The following FAM168B variants were observed in gnomAD, a reference collection of about 807,000 sequenced individuals.
FAM168B encodes family with sequence similarity 168 member B.
FAM168B carries 19 observed loss-of-function variants against 21.8 expected under a neutral mutation model. The observed-to-expected ratio is 0.87, with a 90% CI of 0.61 to 1.28. The LOEUF (loss-of-function observed/expected upper bound fraction) is 1.28. Ranked by LOEUF, FAM168B falls within the 50% of genes most tolerant of loss-of-function variation. The probability of loss-of-function intolerance (pLI) is 0.00; values close to 1 mark genes in which losing one functional copy is unlikely to be tolerated. For missense variants in FAM168B, 233 were observed against 263.1 expected, an observed-to-expected ratio of 0.89 and a Z score of 0.79; for synonymous variants, 126 against 104.8, an observed-to-expected ratio of 1.20 and a Z score of -1.24.
At chr2:131,087,843 C>T (rs553279256) in intron 1 of FAM168B, among the ~76,000 whole-genome samples, 1 of 152,320 alleles carries the variant, frequency 6.6e-6, no homozygotes, top group South Asian at 2.1e-4. Context: ...ACATTTGTAA[C>T]AGCATTATTC....
chr2:131,049,539 T>G lies in FAM168B; in HGVS notation c.*2926A>C. The G allele has an allele frequency of 1.0e-6, 1 of 985,418 alleles. No homozygotes were observed. The highest frequency in any genetic ancestry group is 1.2e-6 in the Non-Finnish European group (1 of 829,948). 61.0% of individuals were successfully genotyped at this position (985,418 alleles called of 1,614,324 possible). ...AAGTTCATGGGTCACTGGCTCACACTAAATGCTCAGCCGCCAGCACAGATC... is the reference window on the plus strand; with the variant it reads ...AAGTTCATGGGTCACTGGCTCACACGAAATGCTCAGCCGCCAGCACAGATC... On this transcript the variant is annotated 3_prime_UTR_variant, in exon 7 of 7. Transcript: ENST00000389915.
Position 131,050,800 on chromosome 2 carries a change from T to C in FAM168B, c.*1665A>G, listed in dbSNP as rs535672870. 28 of 985,260 alleles carry C rather than the reference T, an allele frequency of 2.8e-5. No homozygotes were observed. The highest frequency in any genetic ancestry group is 6.2e-5 in the Admixed American group (1 of 16,256). The allele number at this position is 985,260 out of a possible 1,614,324, so 61.0% of individuals were successfully genotyped here. A position where few individuals can be genotyped will look rare whatever the true frequency, so the allele number is the denominator to read the frequency against. On this transcript the variant is annotated 3_prime_UTR_variant, in exon 7 of 7. Transcript: ENST00000389915. Reference sequence around the variant, plus strand: ...GTGCCCTGACCCAGCTACCAGCAAATGAAGAGGAGCAGAGCCCCCTCCCCA... The same window carrying C: ...GTGCCCTGACCCAGCTACCAGCAAACGAAGAGGAGCAGAGCCCCCTCCCCA...
intron 2 of FAM168B, 100 bp from the exon 3 acceptor site, chr2:131,072,038 CCA>C (rs1692899301): frequency 5.8e-6 from 6 of 1,040,074 alleles, no homozygotes; most frequent in East Asian, 4.9e-5. Flanking sequence ...CCCCAGAACT[CCA>C]CAGACTTAAG....
At chr2:131,053,121 G>A (rs540168897) in intron 5 of FAM168B, 106 bp from the exon 6 acceptor site, 16 of 1,404,120 alleles carry the variant, frequency 1.1e-5, no homozygotes, top group South Asian at 1.5e-5. Flanking sequence ...GGGTATACAG[G>A]AAGAGGGATA....
chr2:131,088,919 T>C (rs1693854565), intron 1 of FAM168B, among the ~76,000 whole-genome samples: 1 of 151,576 alleles, frequency 6.6e-6, no homozygotes, highest in Admixed American at 6.6e-5. Context: ...TCTAATTTGC[T>C]GTGGACTAAG....
rs1359492821 is a variant in FAM168B at position 131,049,664 on chromosome 2, A to G, written c.*2801T>C. ...AACAAATATTTTTTAAATAGCCATC[A>G]TGATGTCCATGTTTACATGAACTAG... On this transcript the variant is annotated 3_prime_UTR_variant, in exon 7 of 7. Coordinates refer to ENST00000389915, the MANE Select transcript of FAM168B (RefSeq NM_001009993.4). 9 of 985,590 alleles carry G rather than the reference A, an allele frequency of 9.1e-6. No individual in the cohort carries two copies. Among genetic ancestry groups the G allele is most frequent in the Non-Finnish European group, 9.6e-6 (8 of 829,942 alleles). 61.1% of individuals were successfully genotyped at this position (985,590 alleles called of 1,614,324 possible).
At chr2:131,068,638 GA>G (rs1692694928) in intron 3 of FAM168B, among the ~76,000 whole-genome samples, 1 of 152,094 alleles carries the variant, frequency 6.6e-6, no homozygotes, top group Admixed American at 6.6e-5. Context: ...CCAGCTTCTG[GA>G]TTACAGGAAC....
intron 3 of FAM168B, among the ~76,000 whole-genome samples, chr2:131,064,188 A>G (rs1372246894): frequency 6.6e-6 from 1 of 152,216 alleles, no homozygotes. Flanking sequence ...CACTGATTTT[A>G]GAATGCCAAC....
chr2:131,053,670 A>T (rs527486715), intron 5 of FAM168B, among the ~76,000 whole-genome samples: 25 of 152,182 alleles, frequency 1.6e-4, no homozygotes, highest in African/African-American at 5.8e-4. Flanking sequence ...TAAGTTCAGG[A>T]GCTTGAGATG....
chr2:131,076,280 AG>A (rs902763630), intron 2 of FAM168B, among the ~76,000 whole-genome samples: 1 of 152,128 alleles, frequency 6.6e-6, no homozygotes, highest in Non-Finnish European at 1.5e-5. Context: ...CATCTATTCT[AG>A]CCCTCTTCTG....
chr2:131,092,506 C>G (rs1694084370), intron 1 of FAM168B, among the ~76,000 whole-genome samples: 1 of 152,186 alleles, frequency 6.6e-6, no homozygotes, highest in African/African-American at 2.4e-5. Flanking sequence ...GGAGTGGAAA[C>G]TATATAAACC....
Position 131,051,203 on chromosome 2 carries a change from C to T in FAM168B, c.*1262G>A. 1.0e-6 allele frequency: 1 copy of T among 985,328 alleles called. No homozygotes were observed. Among genetic ancestry groups the T allele is most frequent in the African/African-American group, 1.7e-5 (1 of 57,306 alleles). The allele number at this position is 985,328 out of a possible 1,614,324, so 61.0% of individuals were successfully genotyped here. A position where few individuals can be genotyped will look rare whatever the true frequency, so the allele number is the denominator to read the frequency against. On this transcript the variant is annotated 3_prime_UTR_variant, in exon 7 of 7. Coordinates refer to ENST00000389915, the MANE Select transcript of FAM168B (RefSeq NM_001009993.4). The stretch of plus-strand genomic sequence containing the variant: ...AACAGACACTGGCCTCCCCCTCGCC[C>T]CATCTCTAAGCGTCCCCTCCAGCCG...
chr2:131,086,676 T>C (rs1036519447), intron 1 of FAM168B, among the ~76,000 whole-genome samples: 2 of 152,204 alleles, frequency 1.3e-5, no homozygotes, highest in Admixed American at 6.5e-5. Context: ...AACAGTCCTA[T>C]GTAGGTGACA....
intron 2 of FAM168B, among the ~76,000 whole-genome samples, chr2:131,073,679 C>A (rs1343268600): frequency 3.9e-5 from 6 of 152,174 alleles, no homozygotes; most frequent in Admixed American, 6.5e-5. Flanking sequence ...CCCTAACCTC[C>A]AGAACCAAGA....
Position 131,051,180 on chromosome 2 carries a change from CAG to C in FAM168B, c.*1283_*1284del. On this transcript the variant is annotated 3_prime_UTR_variant, in exon 7 of 7. Coordinates refer to ENST00000389915, the MANE Select transcript of FAM168B (RefSeq NM_001009993.4). ...GATGGCAGGAGAGGCTCGCAGACAA[CAG>C]ACACTGGCCTCCCCCTCGCCCCATC... 2 of 985,364 alleles carry C rather than the reference CAG, an allele frequency of 2.0e-6. No homozygotes were observed. The highest frequency in any genetic ancestry group is 2.4e-6 in the Non-Finnish European group (2 of 829,944). The allele number at this position is 985,364 out of a possible 1,614,324, so 61.0% of individuals were successfully genotyped here. A position where few individuals can be genotyped will look rare whatever the true frequency, so the allele number is the denominator to read the frequency against.
chr2:131,048,409 G>C lies in FAM168B; in HGVS notation c.*4056C>G, dbSNP rs190501461. 8 of 1,266,278 alleles carry C rather than the reference G, an allele frequency of 6.3e-6. No individual in the cohort carries two copies. The highest frequency in any genetic ancestry group is 1.2e-4 in the East Asian group (2 of 17,140). The allele number at this position is 1,266,278 out of a possible 1,614,324, so 78.4% of individuals were successfully genotyped here. The stretch of plus-strand genomic sequence containing the variant: ...GCACACCACCCTTCTGCAGGCCCGG[G>C]GGGGGGTCCCTACACAGACGCCGCT... On this transcript the variant is annotated 3_prime_UTR_variant, in exon 7 of 7. Coordinates refer to ENST00000389915, the MANE Select transcript of FAM168B (RefSeq NM_001009993.4).
At chr2:131,084,791 T>C (rs148642600) in intron 1 of FAM168B, among the ~76,000 whole-genome samples, 5 of 152,116 alleles carry the variant, frequency 3.3e-5, no homozygotes, top group African/African-American at 9.6e-5. Flanking sequence ...CTGCCAGTCA[T>C]AGCTCACTGC....
intron 3 of FAM168B, among the ~76,000 whole-genome samples, chr2:131,067,567 C>G (rs138689231): frequency 6.6e-6 from 1 of 151,974 alleles, no homozygotes; most frequent in African/African-American, 2.4e-5. Flanking sequence ...ACAGTGAGAC[C>G]CCATCTCTAC....
rs191979065 is a variant in FAM168B at position 131,049,179 on chromosome 2, G to A, written c.*3286C>T. 3,855 of 985,292 alleles carry A rather than the reference G, an allele frequency of 3.9e-3. 12 individuals are homozygous for A. Among genetic ancestry groups the A allele is most frequent in the Non-Finnish European group, 4.4e-3 (3,618 of 829,928 alleles). The allele number at this position is 985,292 out of a possible 1,614,324, so 61.0% of individuals were successfully genotyped here. A position where few individuals can be genotyped will look rare whatever the true frequency, so the allele number is the denominator to read the frequency against. ...TAATGTATTTCCTCTCGTTACTGTT[G>A]TGTCCCCCAAGACACATGCAAATTA... On this transcript the variant is annotated 3_prime_UTR_variant, in exon 7 of 7. Coordinates refer to ENST00000389915, the MANE Select transcript of FAM168B (RefSeq NM_001009993.4).
Sources: gnomAD v4.1 joint callset for allele counts (sites outside exome capture counted in the v4.1 genomes callset) on GRCh38, gnomAD v4.1.1 for gene constraint, MANE v1.5 for transcripts, NCBI Gene and HGNC (gene_info 2026-07-23, HGNC 2026-07-21) for gene names.